Variants in NLRP8 observed in about 807,000 individuals in gnomAD.
NLRP8 encodes NLR family pyrin domain containing 8, also known as NACHT, LRR and PYD domains-containing protein 8.
Under a neutral mutation model 88.7 loss-of-function variants are expected in NLRP8, and 86 were observed. That is an observed-to-expected ratio of 0.97 (90% CI 0.81 to 1.16). NLRP8 has a LOEUF of 1.16. Among genes scored for constraint, NLRP8 ranks in the 50% most tolerant of loss-of-function variants. The pLI is 0.00. For missense variants in NLRP8, 1,342 were observed against 1,286.5 expected (o/e 1.04, Z -0.66); for synonymous variants, 504 against 494.6 (o/e 1.02, Z -0.25).
chr19:55,962,031 C>T (rs777309639), intron 3 of NLRP8, 36 bp from the exon 4 acceptor site: 26 of 1,599,118 alleles, frequency 1.6e-5, no homozygotes, highest in African/African-American at 5.4e-5. Flanking sequence ...TCCAGTTTAA[C>T]GAAGAGGTGT....
intron 7 of NLRP8, 141 bp from the exon 8 acceptor site, chr19:55,975,992 A>AC: frequency 1.2e-6 from 1 of 850,838 alleles, no homozygotes; most frequent in Non-Finnish European, 1.7e-6. Context: ...GCAAAAACAA[A>AC]AAACAAACAA....
At chr19:55,979,845 G>C (rs1388289219) in intron 9 of NLRP8, among the ~76,000 whole-genome samples, 3 of 152,192 alleles carry the variant, frequency 2.0e-5, no homozygotes, top group Non-Finnish European at 4.4e-5. Flanking sequence ...CTTGGGCCCA[G>C]GAGGTTGAGG....
intron 5 of NLRP8, among the ~76,000 whole-genome samples, chr19:55,969,354 T>TA (rs1391409954): frequency 6.6e-6 from 1 of 152,216 alleles, no homozygotes; most frequent in African/African-American, 2.4e-5. Flanking sequence ...AATGAGAACA[T>TA]ACGACGTTTG....
Position 55,955,028 on chromosome 19 carries a change from A to T in NLRP8, c.970A>T (p.Met324Leu), listed in dbSNP as rs927432618. ...ACTGAGCAGTTTGCTGAGCAAAACG[A>T]TGCTTCCAGAGGCCACGCTACTGAT... The change falls in exon 3 of 10, where the codon ATG becomes TTG. Residue 324 changes from methionine (M) to leucine (L), a missense_variant. Met to Leu is a conservative substitution (Grantham distance 15). Transcript: ENST00000291971. The T allele has an allele frequency of 6.2e-7, 1 of 1,614,010 alleles. No individual in the cohort carries two copies. Among genetic ancestry groups the T allele is most frequent in the Admixed American group, 1.7e-5 (1 of 60,012 alleles).
intron 2 of NLRP8, among the ~76,000 whole-genome samples, chr19:55,953,273 C>T (rs543221456): frequency 1.1e-4 from 17 of 152,140 alleles, no homozygotes; most frequent in Admixed American, 7.9e-4. Flanking sequence ...CATCGAGTTG[C>T]GGGAAAACAA....
At chr19:55,957,718 TATATATAAAA>T (rs1431470362) in intron 3 of NLRP8, among the ~76,000 whole-genome samples, 12 of 102,732 alleles carry the variant, frequency 1.2e-4, no homozygotes, top group African/African-American at 4.8e-4. Flanking sequence ...TATATATATA[TATATATAAAA>T]TAAGGTTGTT....
chr19:55,977,930 A>T (rs1049633169), intron 8 of NLRP8, among the ~76,000 whole-genome samples: 1 of 152,184 alleles, frequency 6.6e-6, no homozygotes, highest in African/African-American at 2.4e-5. Flanking sequence ...TGATTCTTTG[A>T]TGCCTCAAAT....
At chr19:55,971,667 G>GCA (rs34879508) in intron 6 of NLRP8, among the ~76,000 whole-genome samples, 57,169 of 150,678 alleles carry the variant, frequency 0.38, 12,487 homozygotes, top group East Asian at 0.72. Flanking sequence ...ACACACACAC[G>GCA]CACACACACA....
chr19:55,974,435 T>C (rs1350990297), intron 7 of NLRP8, among the ~76,000 whole-genome samples: 1 of 152,084 alleles, frequency 6.6e-6, no homozygotes, highest in Non-Finnish European at 1.5e-5. Context: ...TTCCCTATCT[T>C]AGTGCACCTG....
rs769820360 is a variant in NLRP8, at chr19:55,947,998, C to T, written c.96C>T (p.Tyr32=). Residue 32 remains tyrosine, a synonymous_variant, in exon 1 of 10, where the codon TAC becomes TAT. Transcript: ENST00000291971. ...TTCCGCCCTGGACATTCTCTTGCTA[C>T]CCCGGCTCCCCATGTGAAAATGGGG... 5 of 1,614,074 alleles carry T rather than the reference C, an allele frequency of 3.1e-6. No individual in the cohort carries two copies. The highest frequency in any genetic ancestry group is 2.2e-5 in the East Asian group (1 of 44,854).
At chr19:55,979,333 T>G in intron 8 of NLRP8, 61 bp from the exon 9 acceptor site, 34 of 1,578,880 alleles carry the variant, frequency 2.2e-5, no homozygotes, top group Non-Finnish European at 2.8e-5. Context: ...TCACACCGGC[T>G]GAGCTCTCAG....
chr19:55,950,942 G>T (rs1310983386), intron 1 of NLRP8, among the ~76,000 whole-genome samples: 1 of 152,192 alleles, frequency 6.6e-6, no homozygotes, highest in Non-Finnish European at 1.5e-5. Context: ...GCCGGGCGTG[G>T]TGGCGCACGC....
Position 55,955,575 on chromosome 19 carries a change from C to A in NLRP8, c.1517C>A (p.Thr506Asn). ...GGTGAGGAAGACCACTATGTCTTTACCCTCGTGACTTTTCAGGAATTTTTT... is the reference window on the plus strand; with the variant it reads ...GGTGAGGAAGACCACTATGTCTTTAACCTCGTGACTTTTCAGGAATTTTTT... The change falls in exon 3 of 10, where the codon ACC becomes AAC. Residue 506 changes from threonine (T) to asparagine (N), a missense_variant. By Grantham distance (65) the Thr-to-Asn change is moderately conservative. Transcript: ENST00000291971. 6.2e-7 allele frequency: 1 copy of A among 1,614,192 alleles called. No homozygotes were observed. The highest frequency in any genetic ancestry group is 8.5e-7 in the Non-Finnish European group (1 of 1,180,042).
intron 4 of NLRP8, 29 bp downstream of exon 4, chr19:55,962,266 G>A (rs1002148227): frequency 6.3e-7 from 1 of 1,597,834 alleles, no homozygotes; most frequent in South Asian, 1.1e-5. Flanking sequence ...CCACTGGAAG[G>A]AACTTTATGG....
Position 55,971,273 on chromosome 19 carries a change from C to G in NLRP8, c.2534+577C>G, listed in dbSNP as rs568588815. On this transcript the variant is annotated intron_variant, in intron 6 of 9. Transcript: ENST00000291971. ...TGGCCAACATGGTGAAACCCCATCT[C>G]TACTAAAAATACAAAAATTAGCCAG... 2.0e-5 allele frequency among the ~76,000 whole-genome samples: 3 copies of G among 152,054 alleles called. No individual in the cohort carries two copies. The South Asian group carries it at 6.2e-4, about 32-fold the overall frequency.
Position 55,984,421 on chromosome 19 carries a change from G to A in NLRP8, c.3048-3393G>A, listed in dbSNP as rs1023168672. Among the ~76,000 whole-genome samples the A allele has an allele frequency of 8.4e-5, 12 of 143,522 alleles. 1 individual carries two copies. The highest frequency in any genetic ancestry group is 2.3e-4 in the East Asian group (1 of 4,430). 94.2% of individuals were successfully genotyped at this position (143,522 alleles called of 152,430 possible). The stretch of plus-strand genomic sequence containing the variant: ...TGTAATCACAGCACTTTGGGAGGCC[G>A]AAGCGGGGGGATCACCTGAGGTCAG... On this transcript the variant is annotated intron_variant, in intron 9 of 9. Transcript: ENST00000291971.
chr19:55,981,907 TTG>T (rs1018728366), intron 9 of NLRP8, among the ~76,000 whole-genome samples: 3 of 11,558 alleles, frequency 2.6e-4, no homozygotes, highest in South Asian at 4.0e-3. Flanking sequence ...CTCTTGTTTT[TTG>T]TTTTTTTTTT....
intron 3 of NLRP8, among the ~76,000 whole-genome samples, chr19:55,957,676 TATATATATA>T (rs1166923578): frequency 0.018 from 38 of 2,092 alleles, 4 homozygotes; most frequent in African/African-American, 0.03. Context: ...ATAATAATTA[TATATATATA>T]TATATATATA....
At chr19:55,952,176 C>T (rs764797841) in intron 1 of NLRP8, among the ~76,000 whole-genome samples, 3 of 152,112 alleles carry the variant, frequency 2.0e-5, no homozygotes, top group Non-Finnish European at 4.4e-5. Flanking sequence ...GCCGACTGGA[C>T]GTATAGATAC....
Sources: gnomAD v4.1 joint callset for allele counts (sites outside exome capture counted in the v4.1 genomes callset) on GRCh38, gnomAD v4.1.1 for gene constraint, MANE v1.5 for transcripts, NCBI Gene and HGNC (gene_info 2026-07-23, HGNC 2026-07-21) for gene names.